The following DUSP22 variants were observed in gnomAD, a reference collection of about 807,000 sequenced individuals.
DUSP22 encodes dual specificity protein phosphatase 22.
A neutral mutation model predicts 24.5 loss-of-function variants in DUSP22; 24 were observed. That is an observed-to-expected ratio of 0.98 (90% CI 0.71 to 1.38). DUSP22 has a LOEUF of 1.38. Ranked by LOEUF, DUSP22 falls within the 40% of genes most tolerant of loss-of-function variation. DUSP22 has a pLI of 0.00. For synonymous variants in DUSP22, 160 were observed against 106.4 expected (o/e 1.50, Z -3.10); for missense variants, 330 against 269.2 (o/e 1.23, Z -1.58).
chr6:351,175 C>T lies in DUSP22; in HGVS notation c.*2224C>T, dbSNP rs533529371. The stretch of plus-strand genomic sequence containing the variant: ...GGCGCTCGTGATTGCTTCCTGTGAA[C>T]GCCTCCCAAGGACGAGCCCAGTGTA... On this transcript the variant is annotated 3_prime_UTR_variant, in exon 7 of 7. Transcript: ENST00000419235. 4.7e-5 allele frequency: 21 copies of T among 448,960 alleles called. No homozygotes were observed. The highest frequency in any genetic ancestry group is 4.3e-4 in the East Asian group (10 of 23,160). 27.8% of individuals were successfully genotyped at this position (448,960 alleles called of 1,614,324 possible).
chr6:316,568 A>C (rs1435925684), intron 3 of DUSP22, among the ~76,000 whole-genome samples: 1 of 152,310 alleles, frequency 6.6e-6, no homozygotes, highest in East Asian at 1.9e-4. Context: ...TGATTTTTCA[A>C]ATCAGAAACC....
At chr6:304,784 C>T in intron 2 of DUSP22, 123 bp downstream of exon 2, 3 of 1,364,792 alleles carry the variant, frequency 2.2e-6, no homozygotes, top group South Asian at 1.2e-5. Flanking sequence ...CAGCCATCAC[C>T]AACATCCTTC....
At chr6:311,753 C>T (rs1334040692) in intron 2 of DUSP22, 127 bp from the exon 3 acceptor site, 7 of 984,662 alleles carry the variant, frequency 7.1e-6, no homozygotes, top group Non-Finnish European at 1.0e-5. Flanking sequence ...CATGTATGGT[C>T]AGTTATGAAG....
intron 3 of DUSP22, 132 bp downstream of exon 3, chr6:312,094 T>C (rs1248875141): frequency 9.8e-7 from 1 of 1,019,712 alleles, no homozygotes; most frequent in South Asian, 1.7e-5. Context: ...GCATTCCCAT[T>C]GTGTTCAGGC....
intron 3 of DUSP22, among the ~76,000 whole-genome samples, chr6:333,199 G>A (rs1759212755): frequency 6.6e-6 from 1 of 152,308 alleles, no homozygotes; most frequent in Non-Finnish European, 1.5e-5. Flanking sequence ...GACAGGAGGA[G>A]GCAACTGGGG....
At chr6:332,385 C>T (rs1231751832) in intron 3 of DUSP22, among the ~76,000 whole-genome samples, 1 of 152,310 alleles carries the variant, frequency 6.6e-6, no homozygotes, top group African/African-American at 2.4e-5. Flanking sequence ...GCTGCCTCCT[C>T]ATCCTGGTGG....
chr6:311,178 T>G (rs1173546128), intron 2 of DUSP22, among the ~76,000 whole-genome samples: 1 of 152,088 alleles, frequency 6.6e-6, no homozygotes, highest in African/African-American at 2.4e-5. Context: ...TGAACTATGA[T>G]GTATGGCATT....
intron 1 of DUSP22, among the ~76,000 whole-genome samples, chr6:292,898 G>C (rs1002945273): frequency 2.0e-5 from 3 of 152,266 alleles, no homozygotes; most frequent in Non-Finnish European, 4.4e-5. Flanking sequence ...CTTCTTTTTT[G>C]CCCTCCTCTT....
chr6:338,852 G>T (rs1282319377), intron 4 of DUSP22, among the ~76,000 whole-genome samples: 3 of 152,308 alleles, frequency 2.0e-5, no homozygotes, highest in Admixed American at 6.5e-5. Flanking sequence ...AGTAAGAGAT[G>T]TGTGACCTTT....
chr6:309,876 C>G (rs952693441), intron 2 of DUSP22, among the ~76,000 whole-genome samples: 51 of 152,280 alleles, frequency 3.3e-4, no homozygotes, highest in Non-Finnish European at 6.9e-4. Flanking sequence ...TACATTATAC[C>G]CTGAGCATTT....
intron 3 of DUSP22, among the ~76,000 whole-genome samples, chr6:326,955 G>A (rs1211641110): frequency 2.6e-5 from 4 of 152,308 alleles, no homozygotes; most frequent in Non-Finnish European, 5.9e-5. Context: ...TGTCTAGACC[G>A]AGGCTTGGCA....
intron 3 of DUSP22, among the ~76,000 whole-genome samples, chr6:328,241 G>T (rs1187841372): frequency 1.3e-5 from 2 of 152,300 alleles, no homozygotes; most frequent in Non-Finnish European, 2.9e-5. Flanking sequence ...AGTCACAATT[G>T]TGTACATCAG....
intron 2 of DUSP22, among the ~76,000 whole-genome samples, chr6:311,444 G>T (rs1758085673): frequency 1.3e-5 from 2 of 152,300 alleles, no homozygotes; most frequent in African/African-American, 4.8e-5. Context: ...ACTTTGGGAG[G>T]CCGAGGCGGG....
At chr6:318,291 G>A (rs1291462341) in intron 3 of DUSP22, among the ~76,000 whole-genome samples, 2 of 152,308 alleles carry the variant, frequency 1.3e-5, no homozygotes, top group African/African-American at 2.4e-5. Flanking sequence ...GATTTGCCAT[G>A]GTCAAGCCCC....
At chr6:304,585 T>C (rs776604326) in intron 1 of DUSP22, 43 bp from the exon 2 acceptor site, 8 of 1,613,982 alleles carry the variant, frequency 5.0e-6, no homozygotes, top group Non-Finnish European at 6.8e-6. Flanking sequence ...TACCATCCAC[T>C]TAGAGTCTGC....
intron 6 of DUSP22, 74 bp from the exon 7 acceptor site, chr6:348,695 C>T (rs1456186172): frequency 3.8e-6 from 6 of 1,592,952 alleles, no homozygotes; most frequent in East Asian, 2.2e-5. Context: ...GTGGTGAAGT[C>T]ACAGGTGCAA....
chr6:306,783 C>G (rs1328637629), intron 2 of DUSP22, among the ~76,000 whole-genome samples: 1 of 152,310 alleles, frequency 6.6e-6, no homozygotes, highest in African/African-American at 2.4e-5. Context: ...GGACCAGTGT[C>G]CCTGCCCTCA....
Position 349,247 on chromosome 6 carries a change from A to T in DUSP22, c.*296A>T. 2 of 1,351,328 alleles carry T rather than the reference A, an allele frequency of 1.5e-6. No homozygotes were observed. The highest frequency in any genetic ancestry group is 1.9e-6 in the Non-Finnish European group (2 of 1,048,538). The allele number at this position is 1,351,328 out of a possible 1,614,324, so 83.7% of individuals were successfully genotyped here. A position where few individuals can be genotyped will look rare whatever the true frequency, so the allele number is the denominator to read the frequency against. ...CACTTGTGTGTGGGTGACTAAGTGGATGCATGTGTGTGCCTGTGTGAGTGA... is the reference window on the plus strand; with the variant it reads ...CACTTGTGTGTGGGTGACTAAGTGGTTGCATGTGTGTGCCTGTGTGAGTGA... On this transcript the variant is annotated 3_prime_UTR_variant, in exon 7 of 7. Transcript: ENST00000419235.
chr6:343,919 A>C (rs1268021116), intron 4 of DUSP22, among the ~76,000 whole-genome samples: 1 of 152,310 alleles, frequency 6.6e-6, no homozygotes, highest in African/African-American at 2.4e-5. Flanking sequence ...GTACTCAGTC[A>C]GTGTTTAAAG....
Sources: allele counts gnomAD v4.1 joint callset (sites outside exome capture counted in the v4.1 genomes callset), GRCh38; gene constraint gnomAD v4.1.1; transcripts MANE v1.5; gene names NCBI Gene and HGNC (gene_info 2026-07-23, HGNC 2026-07-21).